Variants in RNF115 observed in about 807,000 individuals in gnomAD.
RNF115 encodes E3 ubiquitin-protein ligase RNF115.
A neutral mutation model predicts 39.2 loss-of-function variants in RNF115; 31 were observed. The ratio of observed to expected loss-of-function variants is 0.79; its 90% CI spans 0.59 to 1.07. The LOEUF is 1.07. Among genes scored for constraint, RNF115 ranks in the 50% least tolerant of loss-of-function variants. RNF115 has a pLI of 0.00. For synonymous variants in RNF115, 124 were observed against 131.0 expected (o/e 0.95, Z 0.37); for missense variants, 384 against 381.7 (o/e 1.01, Z -0.05).
chr1:145,793,842 C>CTTTTTTTTTTTTT (rs11304765), intron 1 of RNF115, among the ~76,000 whole-genome samples: 2 of 135,798 alleles, frequency 1.5e-5, no homozygotes, highest in East Asian at 2.1e-4. Flanking sequence ...TACCCTCTTT[C>CTTTTTTTTTTTTT]TTTTTTTTTT....
intron 1 of RNF115, among the ~76,000 whole-genome samples, chr1:145,809,728 G>A (rs1330786684): frequency 2.7e-5 from 3 of 111,330 alleles, no homozygotes; most frequent in African/African-American, 1.0e-4. Context: ...TCCTGACCTC[G>A]AGTGATCTGC....
intron 1 of RNF115, among the ~76,000 whole-genome samples, chr1:145,812,253 G>A (rs1260705464): frequency 6.7e-6 from 1 of 150,200 alleles, no homozygotes; most frequent in Non-Finnish European, 1.5e-5. Flanking sequence ...ATCAAAGTGA[G>A]TGGCAAGGAG....
At chr1:145,766,662 C>G (rs1214150937) in intron 4 of RNF115, among the ~76,000 whole-genome samples, 1 of 145,296 alleles carries the variant, frequency 6.9e-6, no homozygotes, top group Admixed American at 6.8e-5. Flanking sequence ...GGCGGCTGGC[C>G]GGGCGGGGGG....
At chr1:145,755,480 C>T (rs1028661934) in intron 4 of RNF115, among the ~76,000 whole-genome samples, 3 of 152,184 alleles carry the variant, frequency 2.0e-5, no homozygotes, top group African/African-American at 4.8e-5. Context: ...GCCAGAACCA[C>T]TCAGCCATGC....
chr1:145,784,320 A>G (rs886159954), intron 3 of RNF115, among the ~76,000 whole-genome samples: 1 of 152,228 alleles, frequency 6.6e-6, no homozygotes, highest in Admixed American at 6.5e-5. Context: ...ATACAGTTTG[A>G]GGCTATTACT....
chr1:145,759,815 T>TC (rs1658434012), intron 4 of RNF115, among the ~76,000 whole-genome samples: 1 of 152,114 alleles, frequency 6.6e-6, no homozygotes, highest in South Asian at 2.1e-4. Context: ...CTCCTACCAT[T>TC]CCCCTCACCT....
rs1658037243 is a variant in RNF115, at chr1:145,750,492, T to C, written c.582A>G (p.Gly194=). The change falls in exon 7 of 9, where the codon GGA becomes GGG. Residue 194 remains glycine, a synonymous_variant. Coordinates refer to ENST00000582693, the MANE Select transcript of RNF115 (RefSeq NM_014455.4). Reference sequence around the variant, plus strand: ...GGGGAGGGCCTGTGTTTTCCAGTTGTCCTAAAAGCTACAAAAAAAGAGAAA... The same window carrying C: ...GGGGAGGGCCTGTGTTTTCCAGTTGCCCTAAAAGCTACAAAAAAAGAGAAA... The part of the protein sequence containing the change: ...GLDAIVTQLL[G]QLENTGPPPA... 1 of 1,613,380 alleles carries C rather than the reference T, an allele frequency of 6.2e-7. No homozygotes were observed. The highest frequency in any genetic ancestry group is 1.3e-5 in the African/African-American group (1 of 74,852).
intron 1 of RNF115, among the ~76,000 whole-genome samples, chr1:145,791,942 A>T (rs1274310438): frequency 4.0e-5 from 6 of 151,420 alleles, no homozygotes; most frequent in South Asian, 4.2e-4. Context: ...TTATTTATTT[A>T]TTTTTTTGAG....
chr1:145,804,982 T>G (rs1553721403), intron 1 of RNF115, among the ~76,000 whole-genome samples: 1 of 152,102 alleles, frequency 6.6e-6, no homozygotes, highest in Non-Finnish European at 1.5e-5. Context: ...AGTTCAATTT[T>G]CAAATTAAAA....
chr1:145,750,513 A>G lies in RNF115; in HGVS notation c.574-13T>C. On this transcript the variant is annotated splice_polypyrimidine_tract_variant and intron_variant, in intron 6 of 8. Coordinates refer to ENST00000582693, the MANE Select transcript of RNF115 (RefSeq NM_014455.4). ...GTTGTCCTAAAAGCTACAAAAAAAG[A>G]GAAAGAAAAAGACGAAGTGGCAGAC... The G allele has an allele frequency of 6.2e-7, 1 of 1,604,442 alleles. No homozygotes were observed. The highest frequency in any genetic ancestry group is 8.5e-7 in the Non-Finnish European group (1 of 1,171,484).
chr1:145,820,743 A>AG (rs1417138642), intron 1 of RNF115, among the ~76,000 whole-genome samples: 2 of 152,036 alleles, frequency 1.3e-5, no homozygotes, highest in African/African-American at 4.8e-5. Flanking sequence ...TCAAAAAAAG[A>AG]AAAAGGGAAT....
At chr1:145,766,704 G>A (rs1478672943) in intron 4 of RNF115, among the ~76,000 whole-genome samples, 53 of 137,992 alleles carry the variant, frequency 3.8e-4, no homozygotes, top group African/African-American at 1.3e-3. Flanking sequence ...CGGACGGGGC[G>A]GCTGTCCGGG....
intron 1 of RNF115, among the ~76,000 whole-genome samples, chr1:145,816,661 T>G (rs1375590970): frequency 1.4e-5 from 2 of 143,984 alleles, no homozygotes; most frequent in Non-Finnish European, 3.1e-5. Context: ...TAAAAGCTGA[T>G]GTAAACTCAA....
chr1:145,751,340 A>C, intron 6 of RNF115, 98 bp downstream of exon 6: 1 of 804,872 alleles, frequency 1.2e-6, no homozygotes, highest in South Asian at 1.7e-5. Flanking sequence ...TAGAGAAAGC[A>C]GAGTGACTGC....
At chr1:145,777,705 C>T (rs1448708469) in intron 3 of RNF115, among the ~76,000 whole-genome samples, 5 of 152,048 alleles carry the variant, frequency 3.3e-5, no homozygotes, top group Admixed American at 6.5e-5. Context: ...TAGAGTTTTG[C>T]TAAAACAGTC....
In RNF115 at chr1:145,824,056, G is replaced by A; in HGVS notation, c.-183C>T. The A allele has an allele frequency of 2.0e-6, 1 of 490,772 alleles. No homozygotes were observed. Among genetic ancestry groups the A allele is most frequent in the Non-Finnish European group, 3.5e-6 (1 of 282,726 alleles). 30.4% of individuals were successfully genotyped at this position (490,772 alleles called of 1,614,324 possible). On this transcript the variant is annotated 5_prime_UTR_variant, in exon 1 of 9. Transcript: ENST00000582693. ...CGGCGGCGCCAACAGCTACCCTGCGGCCCGCCTCCCAGCACCAAAGAGGCG... is the reference window on the plus strand; with the variant it reads ...CGGCGGCGCCAACAGCTACCCTGCGACCCGCCTCCCAGCACCAAAGAGGCG...
chr1:145,812,846 C>T (rs1167558975), intron 1 of RNF115, among the ~76,000 whole-genome samples: 1 of 147,942 alleles, frequency 6.8e-6, no homozygotes, highest in Non-Finnish European at 1.5e-5. Context: ...GTCTCAAACT[C>T]CTGAGCTCAA....
intron 8 of RNF115, 105 bp from the exon 9 acceptor site, chr1:145,747,102 T>C (rs1444923198): frequency 2.5e-6 from 3 of 1,207,970 alleles, no homozygotes; most frequent in East Asian, 2.4e-5. Flanking sequence ...AATTATGACA[T>C]GGAACAGAAA....
intron 4 of RNF115, among the ~76,000 whole-genome samples, chr1:145,760,587 T>C (rs2101490254): frequency 6.6e-6 from 1 of 152,174 alleles, no homozygotes; most frequent in East Asian, 1.9e-4. Flanking sequence ...TCATTTCTCT[T>C]GCCGCCGCCA....
Sources: gnomAD v4.1 joint callset for allele counts (sites outside exome capture counted in the v4.1 genomes callset) on GRCh38, gnomAD v4.1.1 for gene constraint, MANE v1.5 for transcripts, NCBI Gene and HGNC (gene_info 2026-07-23, HGNC 2026-07-21) for gene names.